Variants in FOXK1 observed in about 807,000 individuals in gnomAD.
FOXK1 encodes the protein forkhead box K1.
In FOXK1, 19 loss-of-function variants were observed where a neutral mutation model predicts 51.9. That is an observed-to-expected ratio of 0.37 (90% confidence interval 0.26 to 0.54). The LOEUF (loss-of-function observed/expected upper bound fraction) is 0.54. FOXK1 is among the 20% of genes least tolerant of loss of function. FOXK1 has a pLI of 0.87. For synonymous variants in FOXK1, 537 were observed against 482.6 expected (o/e 1.11, Z -1.48); for missense variants, 870 against 1,032.7 (o/e 0.84, Z 2.16).
At chr7:4,717,939 G>A (rs959788637) in intron 1 of FOXK1, among the ~76,000 whole-genome samples, 6 of 152,192 alleles carry the variant, frequency 3.9e-5, no homozygotes, top group East Asian at 3.9e-4. Context: ...TTTTTGCCTC[G>A]TCACGTTTTC....
In FOXK1 at chr7:4,722,557, C is replaced by T. The variant is rs1434521533; in HGVS notation, c.561-18281C>T. On this transcript the variant is annotated intron_variant, in intron 1 of 8. Transcript: ENST00000328914. This position sits in a 1 kb window ranked among gnomAD's most constrained non-coding sequence, Gnocchi z 5.1. Reference sequence around the variant, plus strand: ...GGTACACTCGTGCCTGTTAACCGCACACCTGCGTGCAGCACGGGCACACTC... The same window carrying T: ...GGTACACTCGTGCCTGTTAACCGCATACCTGCGTGCAGCACGGGCACACTC... Among the ~76,000 whole-genome samples, 1 of 152,242 alleles carries T rather than the reference C, an allele frequency of 6.6e-6. No homozygotes were observed. The highest frequency in any genetic ancestry group is 1.5e-5 in the Non-Finnish European group (1 of 68,052).
intron 2 of FOXK1, among the ~76,000 whole-genome samples, chr7:4,751,190 AT>A (rs573269772): frequency 1.5e-4 from 21 of 143,080 alleles, no homozygotes; most frequent in Admixed American, 4.2e-4. Context: ...AATTTTTTGT[AT>A]TTTTTTTTTA....
intron 1 of FOXK1, among the ~76,000 whole-genome samples, chr7:4,732,318 C>T (rs904429698): frequency 9.9e-5 from 15 of 152,102 alleles, no homozygotes; most frequent in African/African-American, 2.9e-4. Flanking sequence ...ATCCCAGTGC[C>T]GACAGTTCTC....
intron 2 of FOXK1, among the ~76,000 whole-genome samples, chr7:4,754,114 C>G (rs1046321377): frequency 3.9e-5 from 6 of 152,156 alleles, no homozygotes; most frequent in Admixed American, 3.9e-4. Flanking sequence ...CTACCTGCTC[C>G]GGGTGCACAT....
intron 1 of FOXK1, among the ~76,000 whole-genome samples, chr7:4,728,838 C>T (rs374698728): frequency 1.2e-4 from 18 of 151,726 alleles, no homozygotes; most frequent in East Asian, 1.2e-3. Context: ...GAGAAGGGGA[C>T]CCTGGGGAAC....
chr7:4,710,931 G>A (rs190556764), intron 1 of FOXK1, among the ~76,000 whole-genome samples: 7 of 152,244 alleles, frequency 4.6e-5, no homozygotes, highest in Non-Finnish European at 2.9e-5. Flanking sequence ...TTCCTTCTGG[G>A]TAGAGATGTG....
Position 4,686,446 on chromosome 7 carries a change from A to T in FOXK1, c.560+3578A>T, listed in dbSNP as rs528088332. On this transcript the variant is annotated intron_variant, in intron 1 of 8. Coordinates refer to ENST00000328914, the MANE Select transcript of FOXK1 (RefSeq NM_001037165.2). ...TAATTATTGGTGGGGGAAAAAAAAG[A>T]CTTGTGACCCAGCTTAGAGCTGATC... 3.3e-5 allele frequency among the ~76,000 whole-genome samples: 5 copies of T among 152,246 alleles called. No individual in the cohort carries two copies. In the East Asian group the frequency reaches 9.6e-4, roughly 29 times the overall value.
rs150885952 is a variant in FOXK1, at chr7:4,698,312, G to GTGTA, written c.560+15445_560+15446insGTAT. The stretch of plus-strand genomic sequence containing the variant: ...TGCGATTTTATATATGTATGTGTGT[G>GTGTA]TATATATATATATATATATCGTGCC... On this transcript the variant is annotated intron_variant, in intron 1 of 8. Coordinates refer to ENST00000328914, the MANE Select transcript of FOXK1 (RefSeq NM_001037165.2). 7.2e-3 allele frequency among the ~76,000 whole-genome samples: 1,060 copies of GTGTA among 147,138 alleles called. 15 individuals carry two copies. The highest frequency in any genetic ancestry group is 0.025 in the African/African-American group (985 of 40,108).
intron 1 of FOXK1, among the ~76,000 whole-genome samples, chr7:4,705,615 C>G (rs562034850): frequency 1.3e-5 from 2 of 149,854 alleles, no homozygotes; most frequent in Admixed American, 6.7e-5. Context: ...CTGTTCACGG[C>G]AACCTCTGCT....
At position 4,709,087 on chromosome 7, in the gene FOXK1, AAAG is replaced by A. The variant is rs1780142299; in HGVS notation, c.560+26222_560+26224del. On this transcript the variant is annotated intron_variant, in intron 1 of 8. Transcript: ENST00000328914. The surrounding 1 kb of genome is among the most constrained non-coding windows in gnomAD (Gnocchi z 5.6). ...TCAAAAAAAAAAAAAAAAGAAAAGA[AAAG>A]AAAAAGAAAAACAAGGAAAAAAGAA... is the stretch of plus-strand genomic sequence containing the variant. Among the ~76,000 whole-genome samples the A allele has an allele frequency of 6.6e-6, 1 of 151,706 alleles. No individual in the cohort carries two copies.
At chr7:4,744,283 G>A (rs1583205918) in intron 2 of FOXK1, among the ~76,000 whole-genome samples, 1 of 152,132 alleles carries the variant, frequency 6.6e-6, no homozygotes, top group African/African-American at 2.4e-5. Flanking sequence ...CTTAGCTTCA[G>A]GGGGTACACG....
chr7:4,703,102 C>T lies in FOXK1; in HGVS notation c.560+20234C>T, dbSNP rs1165317617. On this transcript the variant is annotated intron_variant, in intron 1 of 8. Coordinates refer to ENST00000328914, the MANE Select transcript of FOXK1 (RefSeq NM_001037165.2). The surrounding 1 kb of genome is among the most constrained non-coding windows in gnomAD (Gnocchi z 5.6). ...CTGCTGGGTGAGAGTGCCTCTGTGT[C>T]GGGGGCTGGGCTGGGCTGGGCTGGA... Among the ~76,000 whole-genome samples, 2 of 151,812 alleles carry T rather than the reference C, an allele frequency of 1.3e-5. No individual in the cohort carries two copies. The highest frequency in any genetic ancestry group is 6.6e-5 in the Admixed American group (1 of 15,264).
Position 4,745,855 on chromosome 7 carries a change from A to G in FOXK1, c.746+4832A>G, listed in dbSNP as rs934496274. Among the ~76,000 whole-genome samples the G allele has an allele frequency of 2.0e-5, 3 of 151,826 alleles. No homozygotes were observed. Among genetic ancestry groups the G allele is most frequent in the African/African-American group, 7.3e-5 (3 of 41,366 alleles). ...CAGTGAACCAAGATTGCACCACTCC[A>G]GACTGGGCGGCAGAGCGAGACTCCA... On this transcript the variant is annotated intron_variant, in intron 2 of 8. Transcript: ENST00000328914. This position sits in a 1 kb window ranked among gnomAD's most constrained non-coding sequence, Gnocchi z 4.3.
Position 4,723,027 on chromosome 7 carries a change from A to G in FOXK1, c.561-17811A>G, listed in dbSNP as rs111634256. On this transcript the variant is annotated intron_variant, in intron 1 of 8. Transcript: ENST00000328914. This position sits in a 1 kb window ranked among gnomAD's most constrained non-coding sequence, Gnocchi z 4.7. ...CCAGACAAGAGGCAGCGCTGGGTTC[A>G]GATCACCACACAACCTGTATCAGCT... Among the ~76,000 whole-genome samples, 2,076 of 152,186 alleles carry G rather than the reference A, an allele frequency of 0.014. 53 individuals are homozygous for G. The highest frequency in any genetic ancestry group is 0.047 in the African/African-American group (1,955 of 41,514).
At position 4,762,601 on chromosome 7, in the gene FOXK1, A is replaced by G. The variant is rs1780951325; in HGVS notation, c.*137A>G. Reference sequence around the variant, plus strand: ...GTGGGCATCGGCGGCACCTGGACACACCCAGCCCTTTCCATTTGATCGCCT... The same window carrying G: ...GTGGGCATCGGCGGCACCTGGACACGCCCAGCCCTTTCCATTTGATCGCCT... On this transcript the variant is annotated 3_prime_UTR_variant, in exon 9 of 9. Coordinates refer to ENST00000328914, the MANE Select transcript of FOXK1 (RefSeq NM_001037165.2). The surrounding 1 kb of genome is among the most constrained non-coding windows in gnomAD (Gnocchi z 5.7). 2 of 773,726 alleles carry G rather than the reference A, an allele frequency of 2.6e-6. No homozygotes were observed. Among genetic ancestry groups the G allele is most frequent in the East Asian group, 2.7e-5 (1 of 36,696 alleles). 47.9% of individuals were successfully genotyped at this position (773,726 alleles called of 1,614,324 possible).
chr7:4,729,152 T>C lies in FOXK1; in HGVS notation c.561-11686T>C, dbSNP rs1780418083. Reference sequence around the variant, plus strand: ...TCCATCTTTACGCGGTCTTTTTACGTCTGTTTAAGCCACACAGCATGGTGG... The same window carrying C: ...TCCATCTTTACGCGGTCTTTTTACGCCTGTTTAAGCCACACAGCATGGTGG... On this transcript the variant is annotated intron_variant, in intron 1 of 8. Coordinates refer to ENST00000328914, the MANE Select transcript of FOXK1 (RefSeq NM_001037165.2). This position sits in a 1 kb window ranked among gnomAD's most constrained non-coding sequence, Gnocchi z 6.2. Among the ~76,000 whole-genome samples, 1 of 152,160 alleles carries C rather than the reference T, an allele frequency of 6.6e-6. No individual in the cohort carries two copies. Among genetic ancestry groups the C allele is most frequent in the Admixed American group, 6.5e-5 (1 of 15,288 alleles).
chr7:4,705,630 G>A (rs1007528569), intron 1 of FOXK1, among the ~76,000 whole-genome samples: 4 of 149,106 alleles, frequency 2.7e-5, no homozygotes, highest in African/African-American at 9.9e-5. Flanking sequence ...TCTGCTTCCC[G>A]CATTGAAGCA....
intron 1 of FOXK1, among the ~76,000 whole-genome samples, chr7:4,689,175 G>T (rs764913464): frequency 6.6e-6 from 1 of 151,842 alleles, no homozygotes; most frequent in Non-Finnish European, 1.5e-5. Context: ...AGGGGGTTTC[G>T]CCGTGTTGCC....
chr7:4,712,052 G>C (rs1048533582), intron 1 of FOXK1, among the ~76,000 whole-genome samples: 5 of 149,998 alleles, frequency 3.3e-5, no homozygotes, highest in Admixed American at 6.6e-5. Context: ...TGGATCATCT[G>C]TGCTTTTTTT....
Sources: allele counts gnomAD v4.1 joint callset (sites outside exome capture counted in the v4.1 genomes callset), GRCh38; gene constraint gnomAD v4.1.1; non-coding constraint Gnocchi (gnomAD v3.1); transcripts MANE v1.5; gene names NCBI Gene and HGNC (gene_info 2026-07-23, HGNC 2026-07-21).